Variants in CFAP210 observed in about 807,000 individuals in gnomAD.
The protein encoded by CFAP210 is cilia and flagella associated protein 210.
chr2:169,665,171 G>A, the CFAP210 span, among the ~76,000 whole-genome samples: 2 of 152,162 alleles, frequency 1.3e-5, no homozygotes, highest in African/African-American at 2.4e-5. Flanking sequence ...TTATCAGCCT[G>A]TACAGATGTA....
chr2:169,671,292 T>C, the CFAP210 span, among the ~76,000 whole-genome samples: 1 of 152,188 alleles, frequency 6.6e-6, no homozygotes, highest in African/African-American at 2.4e-5. Flanking sequence ...TTAGCATGGC[T>C]TATTACTATT....
At chr2:169,669,021 C>A in the CFAP210 span, among the ~76,000 whole-genome samples, 1 of 152,090 alleles carries the variant, frequency 6.6e-6, no homozygotes, top group Non-Finnish European at 1.5e-5. Flanking sequence ...CAAGGTATGT[C>A]TATAAATAGA....
At chr2:169,648,550 A>G in the CFAP210 span, among the ~76,000 whole-genome samples, 1 of 152,214 alleles carries the variant, frequency 6.6e-6, no homozygotes, top group Non-Finnish European at 1.5e-5. Flanking sequence ...TAGACACTTC[A>G]CAAAAGAAGG....
the CFAP210 span, among the ~76,000 whole-genome samples, chr2:169,669,659 G>C: frequency 2.0e-5 from 3 of 151,856 alleles, no homozygotes; most frequent in Non-Finnish European, 4.4e-5. Context: ...GAATTATTAG[G>C]TTTCTGGTTT....
At chr2:169,654,178 C>T in the CFAP210 span, 15 of 1,594,016 alleles carry the variant, frequency 9.4e-6, no homozygotes, top group African/African-American at 1.3e-5. Flanking sequence ...TGCTGCTGTT[C>T]TACAGCTTTG....
the CFAP210 span, among the ~76,000 whole-genome samples, chr2:169,655,475 A>G: frequency 2.0e-5 from 3 of 152,244 alleles, no homozygotes; most frequent in Non-Finnish European, 2.9e-5. Context: ...ATATTGGTCA[A>G]TATGATCAAT....
the CFAP210 span, chr2:169,649,483 T>G: frequency 1.4e-6 from 1 of 720,848 alleles, no homozygotes. Flanking sequence ...TGCATGCACC[T>G]GGGGTGGTTC....
the CFAP210 span, among the ~76,000 whole-genome samples, chr2:169,685,388 T>C: frequency 6.6e-6 from 1 of 152,228 alleles, no homozygotes; most frequent in South Asian, 2.1e-4. Flanking sequence ...CATGTGCTTA[T>C]TGGCTATTTA....
chr2:169,678,562 C>A, the CFAP210 span, among the ~76,000 whole-genome samples: 2 of 152,048 alleles, frequency 1.3e-5, no homozygotes, highest in Non-Finnish European at 2.9e-5. Flanking sequence ...CAGTGTCTCA[C>A]GCCTGTAATC....
chr2:169,650,668 T>G, the CFAP210 span: 1 of 1,033,600 alleles, frequency 9.7e-7, no homozygotes, highest in East Asian at 3.1e-5. Flanking sequence ...TTATTTTAAG[T>G]GGACATTATT....
chr2:169,657,391 C>G, the CFAP210 span, among the ~76,000 whole-genome samples: 2 of 151,980 alleles, frequency 1.3e-5, no homozygotes, highest in African/African-American at 4.8e-5. Context: ...AGACAGGACC[C>G]TAAAACCATT....
At chr2:169,658,715 C>T in the CFAP210 span, 1 of 310,062 alleles carries the variant, frequency 3.2e-6, no homozygotes, top group South Asian at 3.2e-5. Flanking sequence ...TATTCCCGAA[C>T]TGTTATTGCA....
the CFAP210 span, among the ~76,000 whole-genome samples, chr2:169,655,838 T>G: frequency 1.3e-5 from 2 of 152,058 alleles, no homozygotes; most frequent in Non-Finnish European, 2.9e-5. Context: ...TTTTCATAGC[T>G]AAAATAAAAA....
At chr2:169,683,198 G>T in the CFAP210 span, among the ~76,000 whole-genome samples, 1 of 152,096 alleles carries the variant, frequency 6.6e-6, no homozygotes, top group Admixed American at 6.5e-5. Flanking sequence ...ACCTCTGCAC[G>T]CAAAATAAAG....
the CFAP210 span, chr2:169,649,317 TTGTC>T: frequency 1.2e-6 from 2 of 1,612,200 alleles, no homozygotes; most frequent in East Asian, 2.2e-5. Context: ...CTATTTTTCT[TTGTC>T]TTTCTTCTTC....
At chr2:169,650,334 T>C in the CFAP210 span, 2 of 1,583,550 alleles carry the variant, frequency 1.3e-6, no homozygotes, top group East Asian at 2.3e-5. Flanking sequence ...TTTACCACAA[T>C]GGCTCGATAT....
At chr2:169,674,849 A>G in the CFAP210 span, 1 of 1,498,582 alleles carries the variant, frequency 6.7e-7, no homozygotes, top group Non-Finnish European at 8.8e-7. Context: ...TAAAAATACA[A>G]GAAAACTCAA....
the CFAP210 span, among the ~76,000 whole-genome samples, chr2:169,691,123 G>C: frequency 1.1e-4 from 16 of 151,918 alleles, no homozygotes; most frequent in Non-Finnish European, 1.0e-4. Flanking sequence ...ATTATTCTGA[G>C]ACTGAATAAT....
chr2:169,669,053 T>C, the CFAP210 span, among the ~76,000 whole-genome samples: 1 of 152,176 alleles, frequency 6.6e-6, no homozygotes, highest in South Asian at 2.1e-4. Flanking sequence ...CAAATCGTAG[T>C]GTTTTTTAAA....
Sources: gnomAD v4.1 joint callset for allele counts (sites outside exome capture counted in the v4.1 genomes callset) on GRCh38, gnomAD v4.1.1 for gene constraint, MANE v1.5 for transcripts, NCBI Gene and HGNC (gene_info 2026-07-23, HGNC 2026-07-21) for gene names.